FAXC: variants seen among roughly 807,000 people sequenced by gnomAD.
The protein encoded by FAXC is failed axon connections homolog.
Under a neutral mutation model 41.9 loss-of-function variants are expected in FAXC, and 10 were observed. The ratio of observed to expected loss-of-function variants is 0.24; its 90% CI spans 0.15 to 0.41. FAXC has a LOEUF of 0.41. Ranked by LOEUF, FAXC falls within the 10% of genes least tolerant of loss-of-function variation. FAXC has a pLI of 1.00. For missense variants in FAXC, 399 were observed against 510.9 expected (o/e 0.78, Z 2.11); for synonymous variants, 183 against 183.8 (o/e 1.00, Z 0.03).
rs145628906 is a variant in FAXC, at chr6:99,279,273, T to C, written c.*1891A>G. ...TTAAATAAGAATGGTTTTAATAAGA[T>C]ATTAACAACTAAGTTTCCCATGGAA... On this transcript the variant is annotated 3_prime_UTR_variant, in exon 6 of 6. Coordinates refer to ENST00000389677, the MANE Select transcript of FAXC (RefSeq NM_032511.4). 1 of 152,326 alleles carries C rather than the reference T, an allele frequency of 6.6e-6. No homozygotes were observed. The highest frequency in any genetic ancestry group is 1.9e-4 in the East Asian group (1 of 5,188). The allele number at this position is 152,326 out of a possible 1,614,324, so 9.4% of individuals were successfully genotyped here.
chr6:99,277,815 G>C lies in FAXC; in HGVS notation c.*3349C>G, dbSNP rs1182145751. 1 of 152,170 alleles carries C rather than the reference G, an allele frequency of 6.6e-6. No individual in the cohort carries two copies. Among genetic ancestry groups the C allele is most frequent in the African/African-American group, 2.4e-5 (1 of 41,426 alleles). 9.4% of individuals were successfully genotyped at this position (152,170 alleles called of 1,614,324 possible). A position where few individuals can be genotyped will look rare whatever the true frequency, so the allele number is the denominator to read the frequency against. On this transcript the variant is annotated 3_prime_UTR_variant, in exon 6 of 6. Coordinates refer to ENST00000389677, the MANE Select transcript of FAXC (RefSeq NM_032511.4). ...CAAGGGCAACGTGGTGTAATGGAAAGAACCATATTGACCTCAGTTTTTGGT... is the reference window on the plus strand; with the variant it reads ...CAAGGGCAACGTGGTGTAATGGAAACAACCATATTGACCTCAGTTTTTGGT...
intron 1 of FAXC, among the ~76,000 whole-genome samples, chr6:99,346,739 G>C (rs560504575): frequency 2.0e-5 from 3 of 152,214 alleles, no homozygotes; most frequent in African/African-American, 7.2e-5. Flanking sequence ...GTTAAAAACT[G>C]CAGGCTCTGA....
intron 4 of FAXC, among the ~76,000 whole-genome samples, chr6:99,293,413 G>T (rs148141255): frequency 0.015 from 2,257 of 152,278 alleles, 30 homozygotes; most frequent in Non-Finnish European, 0.023. Context: ...ATCCGTCAAG[G>T]TCCAGCTCCA....
chr6:99,330,020 G>A (rs961611195), intron 3 of FAXC, among the ~76,000 whole-genome samples: 3 of 151,178 alleles, frequency 2.0e-5, no homozygotes, highest in Admixed American at 1.3e-4. Flanking sequence ...CGCCTCAGTC[G>A]CCACCACACC....
At chr6:99,282,669 A>G (rs1327541943) in intron 5 of FAXC, among the ~76,000 whole-genome samples, 2 of 152,210 alleles carry the variant, frequency 1.3e-5, no homozygotes, top group Non-Finnish European at 2.9e-5. Flanking sequence ...GCAGATGGCA[A>G]CATTGCTTAT....
At chr6:99,348,433 G>A (rs564649078) in intron 1 of FAXC, among the ~76,000 whole-genome samples, 2 of 152,306 alleles carry the variant, frequency 1.3e-5, no homozygotes, top group East Asian at 3.9e-4. Flanking sequence ...TGCGGCAGCG[G>A]ATGCAACTGT....
intron 4 of FAXC, among the ~76,000 whole-genome samples, chr6:99,298,501 G>A (rs964531785): frequency 6.6e-6 from 1 of 152,088 alleles, no homozygotes; most frequent in Non-Finnish European, 1.5e-5. Context: ...CTGCTCCAGG[G>A]AGCACACTTT....
chr6:99,325,892 GA>G (rs1207380971), intron 3 of FAXC, among the ~76,000 whole-genome samples: 9 of 152,144 alleles, frequency 5.9e-5, no homozygotes, highest in African/African-American at 9.7e-5. Flanking sequence ...GTTAGAAGGG[GA>G]AAAAAATCCT....
chr6:99,331,651 G>T (rs1773030128), intron 3 of FAXC, among the ~76,000 whole-genome samples: 1 of 152,316 alleles, frequency 6.6e-6, no homozygotes, highest in African/African-American at 2.4e-5. Context: ...ATGGCTTTCA[G>T]CTTTTCAGAC....
intron 3 of FAXC, among the ~76,000 whole-genome samples, chr6:99,329,248 G>A (rs1772938776): frequency 6.6e-6 from 1 of 152,070 alleles, no homozygotes; most frequent in Non-Finnish European, 1.5e-5. Context: ...GCAAAAATGG[G>A]GTCAAAGAGA....
intron 4 of FAXC, among the ~76,000 whole-genome samples, chr6:99,295,066 A>G (rs1771428908): frequency 6.6e-6 from 1 of 152,200 alleles, no homozygotes; most frequent in African/African-American, 2.4e-5. Context: ...TGAGCTGTGA[A>G]AGTTTACAAA....
intron 5 of FAXC, among the ~76,000 whole-genome samples, chr6:99,285,230 A>G (rs1227318505): frequency 6.6e-6 from 1 of 152,218 alleles, no homozygotes; most frequent in African/African-American, 2.4e-5. Flanking sequence ...AAGCAGTGGT[A>G]TGTAAAGATA....
chr6:99,340,108 CT>C (rs1054759700), intron 2 of FAXC, among the ~76,000 whole-genome samples: 1 of 150,942 alleles, frequency 6.6e-6, no homozygotes. Flanking sequence ...CATCAATTTT[CT>C]TTTTTTTTGA....
rs200236453 is a variant in FAXC at position 99,281,209 on chromosome 6, C to T, written c.1185G>A (p.Ser395=). The change falls in exon 6 of 6, where the codon TCG becomes TCA. Residue 395 remains serine, a synonymous_variant. Coordinates refer to ENST00000389677, the MANE Select transcript of FAXC (RefSeq NM_032511.4). The part of the protein sequence containing the change: ...TDFTGHSLFD[S]DVDMDDYTDH... ...CTGTATAGTCATCCATGTCCACATC[C>T]GAATCAAAGAGTGAGTGTCCAGTAA... 14 of 1,587,536 alleles carry T rather than the reference C, an allele frequency of 8.8e-6. No individual in the cohort carries two copies. Among genetic ancestry groups the T allele is most frequent in the Admixed American group, 5.0e-5 (3 of 59,972 alleles).
At chr6:99,297,219 G>T (rs969259750) in intron 4 of FAXC, among the ~76,000 whole-genome samples, 1 of 152,160 alleles carries the variant, frequency 6.6e-6, no homozygotes, top group Admixed American at 6.5e-5. Flanking sequence ...GGTTGACCAG[G>T]AGATAAGGGA....
intron 5 of FAXC, among the ~76,000 whole-genome samples, chr6:99,282,827 G>A (rs1219151868): frequency 1.3e-5 from 2 of 152,092 alleles, no homozygotes; most frequent in African/African-American, 4.8e-5. Context: ...AAAAATAAAA[G>A]CATTACCAAT....
intron 4 of FAXC, among the ~76,000 whole-genome samples, chr6:99,317,219 C>G (rs570416192): frequency 1.3e-5 from 2 of 152,126 alleles, no homozygotes; most frequent in African/African-American, 4.8e-5. Context: ...TTTACCACTT[C>G]GCTCTTTCAG....
At chr6:99,347,646 T>C (rs532041809) in intron 1 of FAXC, among the ~76,000 whole-genome samples, 1 of 152,318 alleles carries the variant, frequency 6.6e-6, no homozygotes, top group Non-Finnish European at 1.5e-5. Context: ...CTTGGTCCTG[T>C]GAAGCCTTCA....
chr6:99,332,902 C>T (rs896771296), intron 3 of FAXC, among the ~76,000 whole-genome samples: 2 of 152,012 alleles, frequency 1.3e-5, no homozygotes, highest in African/African-American at 4.8e-5. Context: ...TAGATCAAGG[C>T]CCATCAAATT....
Sources: allele counts gnomAD v4.1 joint callset (sites outside exome capture counted in the v4.1 genomes callset), GRCh38; gene constraint gnomAD v4.1.1; transcripts MANE v1.5; gene names NCBI Gene and HGNC (gene_info 2026-07-23, HGNC 2026-07-21).